ERBB4: variants seen among roughly 807,000 people sequenced by gnomAD.
The protein encoded by ERBB4 is erb-b2 receptor tyrosine kinase 4.
A neutral mutation model predicts 158.0 loss-of-function variants in ERBB4; 42 were observed. The observed-to-expected ratio is 0.27, with a 90% CI of 0.21 to 0.34. ERBB4 has a LOEUF of 0.34. ERBB4 is among the 10% of genes least tolerant of loss of function. The pLI, the probability that ERBB4 is intolerant of heterozygous loss-of-function variation, is 1.00. For missense variants in ERBB4, 1,333 were observed against 1,624.1 expected (o/e 0.82, Z 3.08); for synonymous variants, 583 against 558.7 (o/e 1.04, Z -0.61).
At chr2:212,134,902 G>A (rs1183361038) in intron 1 of ERBB4, among the ~76,000 whole-genome samples, 7 of 151,868 alleles carry the variant, frequency 4.6e-5, no homozygotes, top group Non-Finnish European at 7.4e-5. Flanking sequence ...CAGCTAGGAT[G>A]GTCTCGATCT....
chr2:212,060,518 T>C (rs932501282), intron 2 of ERBB4, among the ~76,000 whole-genome samples: 37 of 149,588 alleles, frequency 2.5e-4, no homozygotes, highest in Non-Finnish European at 4.5e-4. Context: ...CACGTATGTT[T>C]ATTGCGGCAC....
chr2:212,070,823 G>A (rs1346983220), intron 2 of ERBB4, among the ~76,000 whole-genome samples: 1 of 151,774 alleles, frequency 6.6e-6, no homozygotes, highest in East Asian at 1.9e-4. Flanking sequence ...AATTGAATTT[G>A]AATTTCCTTT....
At chr2:212,493,439 A>G in intron 1 of ERBB4, among the ~76,000 whole-genome samples, 1 of 151,574 alleles carries the variant, frequency 6.6e-6, no homozygotes, top group East Asian at 1.9e-4. Context: ...CATATTTATT[A>G]TGATATGGTA....
chr2:211,516,738 T>C (rs915954851), intron 20 of ERBB4, among the ~76,000 whole-genome samples: 2 of 152,132 alleles, frequency 1.3e-5, no homozygotes, highest in African/African-American at 4.8e-5. Flanking sequence ...AGTCAGAGTG[T>C]ATATAAGGAT....
intron 5 of ERBB4, among the ~76,000 whole-genome samples, chr2:211,742,575 A>G (rs1021424831): frequency 1.4e-5 from 2 of 141,934 alleles, no homozygotes; most frequent in Admixed American, 7.3e-5. Flanking sequence ...AATAAAATTC[A>G]TAAGCCAGGC....
rs1442520407 is a variant in ERBB4, at chr2:211,693,339, T to C, written c.1489+8628A>G. ...AATTACCCAATTACTGTATAAACTA[T>C]AATTAAATATTCCCTTTATTTTATT... On this transcript the variant is annotated intron_variant, in intron 12 of 27. Coordinates refer to ENST00000342788, the MANE Select transcript of ERBB4 (RefSeq NM_005235.3). Among the ~76,000 whole-genome samples the C allele has an allele frequency of 2.6e-5, 4 of 152,294 alleles. No homozygotes were observed. In the South Asian group the frequency reaches 8.3e-4, roughly 32 times the overall value.
chr2:212,261,783 G>C (rs1322747914), intron 1 of ERBB4, among the ~76,000 whole-genome samples: 3 of 151,954 alleles, frequency 2.0e-5, no homozygotes, highest in Non-Finnish European at 4.4e-5. Context: ...AAAAACAATT[G>C]TACATGTGTT....
At chr2:211,746,658 G>A (rs768983879) in intron 5 of ERBB4, among the ~76,000 whole-genome samples, 8 of 151,750 alleles carry the variant, frequency 5.3e-5, no homozygotes, top group African/African-American at 9.7e-5. Context: ...GCGAAACCCC[G>A]TCTCTACTAA....
chr2:211,860,441 G>T (rs546811624), intron 3 of ERBB4, among the ~76,000 whole-genome samples: 1 of 152,238 alleles, frequency 6.6e-6, no homozygotes, highest in African/African-American at 2.4e-5. Context: ...ATTAAAAACA[G>T]ATTGCTCCTT....
intron 9 of ERBB4, among the ~76,000 whole-genome samples, chr2:211,709,254 C>T (rs201085229): frequency 0.029 from 2,981 of 101,318 alleles, 115 homozygotes; most frequent in African/African-American, 0.11. Context: ...TATATATACA[C>T]ATATATATAT....
At chr2:212,157,038 C>A (rs1409338139) in intron 1 of ERBB4, among the ~76,000 whole-genome samples, 1 of 152,064 alleles carries the variant, frequency 6.6e-6, no homozygotes, top group Non-Finnish European at 1.5e-5. Context: ...GTCTTGATGT[C>A]ATTCCCCTGC....
chr2:211,739,516 T>G (rs2074718701), intron 5 of ERBB4, among the ~76,000 whole-genome samples: 1 of 152,144 alleles, frequency 6.6e-6, no homozygotes, highest in Non-Finnish European at 1.5e-5. Context: ...CAGGCTGGAG[T>G]GCAGTGGTGT....
chr2:211,911,827 T>C (rs147874020), intron 3 of ERBB4, among the ~76,000 whole-genome samples: 270 of 151,604 alleles, frequency 1.8e-3, no homozygotes, highest in Non-Finnish European at 2.9e-3. Flanking sequence ...TTTTCTTTTT[T>C]TTTTTTTTGA....
intron 12 of ERBB4, among the ~76,000 whole-genome samples, chr2:211,698,847 A>C (rs986129069): frequency 8.5e-5 from 13 of 152,158 alleles, no homozygotes; most frequent in African/African-American, 3.1e-4. Flanking sequence ...TCCACCTAAC[A>C]CTGTAATTTG....
chr2:211,722,382 C>T lies in ERBB4; in HGVS notation c.883+11G>A. Reference sequence around the variant, plus strand: ...CCTAATTAATTTGGTTATTCTTATTCTGTTACTTACGTGGACATTTCTTGA... The same window carrying T: ...CCTAATTAATTTGGTTATTCTTATTTTGTTACTTACGTGGACATTTCTTGA... On this transcript the variant is annotated intron_variant, in intron 7 of 27. Transcript: ENST00000342788. The T allele has an allele frequency of 6.2e-7, 1 of 1,607,544 alleles. No individual in the cohort carries two copies. The highest frequency in any genetic ancestry group is 2.2e-5 in the East Asian group (1 of 44,800).
chr2:212,481,627 C>A (rs1249197164), intron 1 of ERBB4, among the ~76,000 whole-genome samples: 33 of 152,120 alleles, frequency 2.2e-4, no homozygotes. Context: ...ATTTGCAAAG[C>A]TGCAGTAAGA....
At chr2:212,201,331 T>C (rs1389631272) in intron 1 of ERBB4, among the ~76,000 whole-genome samples, 2 of 152,070 alleles carry the variant, frequency 1.3e-5, no homozygotes, top group Non-Finnish European at 2.9e-5. Context: ...CTAAATAAAT[T>C]AGGATATTTT....
intron 1 of ERBB4, among the ~76,000 whole-genome samples, chr2:212,376,208 T>C (rs2090316351): frequency 6.6e-6 from 1 of 151,988 alleles, no homozygotes; most frequent in African/African-American, 2.4e-5. Flanking sequence ...AGAGCATTAA[T>C]GGAAATTTTA....
chr2:212,377,876 T>A (rs2090377155), intron 1 of ERBB4, among the ~76,000 whole-genome samples: 1 of 152,000 alleles, frequency 6.6e-6, no homozygotes, highest in South Asian at 2.1e-4. Flanking sequence ...ACTACCTACT[T>A]TAAAACACAA....
Sources: allele counts gnomAD v4.1 joint callset (sites outside exome capture counted in the v4.1 genomes callset), GRCh38; gene constraint gnomAD v4.1.1; transcripts MANE v1.5; gene names NCBI Gene and HGNC (gene_info 2026-07-23, HGNC 2026-07-21).